Variants in EGLN1 observed in about 807,000 individuals in gnomAD.
EGLN1 encodes egl-9 family hypoxia inducible factor 1.
In EGLN1, 17 loss-of-function variants were observed where a neutral mutation model predicts 38.3. The observed-to-expected ratio is 0.44, with a 90% CI of 0.30 to 0.67. The LOEUF (loss-of-function observed/expected upper bound fraction) is 0.67. EGLN1 is among the 30% of genes least tolerant of loss of function. The pLI, the probability that EGLN1 is intolerant of heterozygous loss-of-function variation, is 0.08. For missense variants in EGLN1, 477 were observed against 603.3 expected (o/e 0.79, Z 2.19); for synonymous variants, 283 against 257.5 (o/e 1.10, Z -0.95).
chr1:231,419,699 C>G (rs1332332981), intron 1 of EGLN1, among the ~76,000 whole-genome samples: 1 of 152,166 alleles, frequency 6.6e-6, no homozygotes, highest in African/African-American at 2.4e-5. Flanking sequence ...GAAATTAAGA[C>G]TTGTGCCTTC....
chr1:231,398,394 G>C (rs556481101), intron 1 of EGLN1, among the ~76,000 whole-genome samples: 64 of 152,254 alleles, frequency 4.2e-4, no homozygotes, highest in African/African-American at 1.3e-3. Flanking sequence ...GAACTCCTGG[G>C]ATAAAGCAAT....
At chr1:231,386,109 C>G (rs1240414139) in intron 1 of EGLN1, among the ~76,000 whole-genome samples, 1 of 116,514 alleles carries the variant, frequency 8.6e-6, no homozygotes, top group Non-Finnish European at 2.1e-5. Context: ...AACCACCATG[C>G]CCGGCTGGTT....
chr1:231,384,989 G>T (rs113826852), intron 1 of EGLN1, among the ~76,000 whole-genome samples: 1 of 152,192 alleles, frequency 6.6e-6, no homozygotes, highest in African/African-American at 2.4e-5. Flanking sequence ...GAAGGCAGAA[G>T]AGTAGTTAGA....
At chr1:231,389,441 A>G (rs1433330081) in intron 1 of EGLN1, among the ~76,000 whole-genome samples, 1 of 152,220 alleles carries the variant, frequency 6.6e-6, no homozygotes, top group Non-Finnish European at 1.5e-5. Context: ...AGTGGCCAAA[A>G]TAGTGACAGC....
At chr1:231,384,640 A>G (rs1688151733) in intron 1 of EGLN1, among the ~76,000 whole-genome samples, 1 of 152,192 alleles carries the variant, frequency 6.6e-6, no homozygotes, top group Non-Finnish European at 1.5e-5. Flanking sequence ...AGATGAAGTC[A>G]GACAGGTAAG....
intron 2 of EGLN1, among the ~76,000 whole-genome samples, chr1:231,372,667 T>C (rs569085862): frequency 2.6e-5 from 4 of 152,240 alleles, no homozygotes; most frequent in Non-Finnish European, 5.9e-5. Flanking sequence ...ACCATGCTTG[T>C]TGACATGCCT....
intron 1 of EGLN1, among the ~76,000 whole-genome samples, chr1:231,374,396 T>C (rs758201388): frequency 5.3e-5 from 8 of 152,152 alleles, no homozygotes; most frequent in Non-Finnish European, 1.0e-4. Flanking sequence ...ATCAAGTACG[T>C]TTTTGTCCTG....
At chr1:231,409,119 G>A (rs1488340496) in intron 1 of EGLN1, among the ~76,000 whole-genome samples, 1 of 151,598 alleles carries the variant, frequency 6.6e-6, no homozygotes, top group South Asian at 2.1e-4. Context: ...TTTTAAATAA[G>A]CAAAATTTTC....
At chr1:231,381,055 C>T (rs563101314) in intron 1 of EGLN1, among the ~76,000 whole-genome samples, 78 of 152,186 alleles carry the variant, frequency 5.1e-4, no homozygotes, top group Admixed American at 2.5e-3. Flanking sequence ...TACAGGTACA[C>T]GCTACCACAC....
chr1:231,408,880 C>T (rs1688858486), intron 1 of EGLN1, among the ~76,000 whole-genome samples: 1 of 152,026 alleles, frequency 6.6e-6, no homozygotes, highest in Non-Finnish European at 1.5e-5. Flanking sequence ...TGAGGAAATG[C>T]ACAGCACTAG....
chr1:231,369,670 C>A, intron 3 of EGLN1: 1 of 862,902 alleles, frequency 1.2e-6, no homozygotes, highest in Non-Finnish European at 1.4e-6. Flanking sequence ...ATAATCAAGT[C>A]GTTAGAGTCA....
intron 1 of EGLN1, among the ~76,000 whole-genome samples, chr1:231,379,231 C>T (rs189548434): frequency 1.1e-4 from 17 of 152,318 alleles, no homozygotes; most frequent in African/African-American, 4.1e-4. Context: ...AATCCAGACT[C>T]GTAAGCGGCC....
At chr1:231,410,885 G>T (rs769163347) in intron 1 of EGLN1, among the ~76,000 whole-genome samples, 3 of 151,554 alleles carry the variant, frequency 2.0e-5, no homozygotes, top group Non-Finnish European at 4.4e-5. Flanking sequence ...AAATTTTTTA[G>T]CTAAAAAGCA....
chr1:231,389,192 A>G (rs1688307474), intron 1 of EGLN1, among the ~76,000 whole-genome samples: 1 of 152,250 alleles, frequency 6.6e-6, no homozygotes, highest in African/African-American at 2.4e-5. Flanking sequence ...ACTATACAGA[A>G]GTAATAACCA....
chr1:231,409,683 G>A (rs538785799), intron 1 of EGLN1, among the ~76,000 whole-genome samples: 31 of 152,140 alleles, frequency 2.0e-4, no homozygotes, highest in Non-Finnish European at 3.7e-4. Flanking sequence ...GACAGACGAA[G>A]GAATCTTTAA....
intron 1 of EGLN1, among the ~76,000 whole-genome samples, chr1:231,378,158 G>C (rs1470117197): frequency 6.6e-6 from 1 of 152,108 alleles, no homozygotes; most frequent in East Asian, 1.9e-4. Flanking sequence ...GGGCCTGCAT[G>C]GATCTGCCAA....
rs1687573156 is a variant in EGLN1 at position 231,364,126 on chromosome 1, G to A, written c.*2285C>T. 1.3e-5 allele frequency: 2 copies of A among 152,170 alleles called. No homozygotes were observed. The allele number at this position is 152,170 out of a possible 1,614,324, so 9.4% of individuals were successfully genotyped here. Reference sequence around the variant, plus strand: ...GATCTTTTCACAATGATTCCTAAGAGAGTATATAAACTTTTCCAAAAAATA... The same window carrying A: ...GATCTTTTCACAATGATTCCTAAGAAAGTATATAAACTTTTCCAAAAAATA... On this transcript the variant is annotated 3_prime_UTR_variant, in exon 5 of 5. Coordinates refer to ENST00000366641, the MANE Select transcript of EGLN1 (RefSeq NM_022051.3).
chr1:231,377,835 G>A (rs1382484687), intron 1 of EGLN1, among the ~76,000 whole-genome samples: 4 of 152,162 alleles, frequency 2.6e-5, no homozygotes, highest in Non-Finnish European at 4.4e-5. Context: ...TAAACTAGAG[G>A]CAGTGCTTAG....
chr1:231,406,108 G>T (rs1688785113), intron 1 of EGLN1, among the ~76,000 whole-genome samples: 1 of 142,400 alleles, frequency 7.0e-6, no homozygotes, highest in South Asian at 2.2e-4. Flanking sequence ...CTTGCAGTGA[G>T]CCAAGATTGC....
Sources: allele counts gnomAD v4.1 joint callset (sites outside exome capture counted in the v4.1 genomes callset), GRCh38; gene constraint gnomAD v4.1.1; transcripts MANE v1.5; gene names NCBI Gene and HGNC (gene_info 2026-07-23, HGNC 2026-07-21).